KIF26B: variants seen among roughly 807,000 people sequenced by gnomAD.
KIF26B encodes the protein kinesin family member 26B.
A neutral mutation model predicts 151.2 loss-of-function variants in KIF26B; 63 were observed. The ratio of observed to expected loss-of-function variants is 0.42; its 90% confidence interval spans 0.34 to 0.51. KIF26B has a LOEUF of 0.51. KIF26B is among the 20% of genes least tolerant of loss of function. The probability of loss-of-function intolerance (pLI) is 0.07; values close to 1 mark genes in which losing one functional copy is unlikely to be tolerated. For missense variants in KIF26B, 2,813 were observed against 2,913.6 expected (o/e 0.97, Z 0.79); for synonymous variants, 1,357 against 1,262.1 (o/e 1.08, Z -1.59).
intron 2 of KIF26B, among the ~76,000 whole-genome samples, chr1:245,346,076 G>A (rs1300138999): frequency 6.6e-6 from 1 of 151,514 alleles, no homozygotes; most frequent in African/African-American, 2.4e-5. Flanking sequence ...GGGATTACAG[G>A]CACCTGCCAC....
chr1:245,616,902 C>T (rs2043597013), intron 9 of KIF26B, among the ~76,000 whole-genome samples: 2 of 152,180 alleles, frequency 1.3e-5, no homozygotes, highest in African/African-American at 4.8e-5. Context: ...GCAACTGTTG[C>T]TCAAGGTCCA....
At chr1:245,537,185 A>G (rs145746151) in intron 4 of KIF26B, among the ~76,000 whole-genome samples, 2,719 of 152,338 alleles carry the variant, frequency 0.018, 39 homozygotes, top group Middle Eastern at 0.048. Context: ...GGAGTGAGCC[A>G]TATGCCCATC....
Position 245,222,235 on chromosome 1 carries a change from G to C in KIF26B, c.465+65552G>C, listed in dbSNP as rs937206371. Among the ~76,000 whole-genome samples the C allele has an allele frequency of 2.0e-5, 3 of 152,162 alleles. No individual in the cohort carries two copies. The East Asian group carries it at 5.8e-4, about 29-fold the overall frequency. On this transcript the variant is annotated intron_variant, in intron 2 of 14. Coordinates refer to ENST00000407071, the MANE Select transcript of KIF26B (RefSeq NM_018012.4). Reference sequence around the variant, plus strand: ...GCGGATCACCTGAGGTCAGGAGTTCGAGACCAGCCTGGCCAACATGGTAAA... The same window carrying C: ...GCGGATCACCTGAGGTCAGGAGTTCCAGACCAGCCTGGCCAACATGGTAAA...
chr1:245,214,051 A>G (rs888249029), intron 2 of KIF26B: 1 of 152,196 alleles, frequency 6.6e-6, no homozygotes, highest in Non-Finnish European at 1.5e-5. Context: ...ATCGAAGTTT[A>G]TAATTTGGTG....
chr1:245,522,203 G>A (rs1027490609), intron 4 of KIF26B, among the ~76,000 whole-genome samples: 1 of 152,122 alleles, frequency 6.6e-6, no homozygotes, highest in Non-Finnish European at 1.5e-5. Flanking sequence ...GGACCACGCT[G>A]GTAGATGCCT....
chr1:245,542,116 G>A (rs888269309), intron 5 of KIF26B, among the ~76,000 whole-genome samples: 28 of 152,324 alleles, frequency 1.8e-4, no homozygotes, highest in African/African-American at 6.7e-4. Flanking sequence ...GCTTTGGGAG[G>A]CCACAGCAAG....
At chr1:245,164,415 G>A (rs1239403627) in intron 2 of KIF26B, among the ~76,000 whole-genome samples, 2 of 152,138 alleles carry the variant, frequency 1.3e-5, no homozygotes. Flanking sequence ...TCCTGTTTAT[G>A]TGCCAGTTCT....
At chr1:245,199,923 G>T (rs1315447640) in intron 2 of KIF26B, among the ~76,000 whole-genome samples, 1 of 152,202 alleles carries the variant, frequency 6.6e-6, no homozygotes, top group African/African-American at 2.4e-5. Context: ...ACAAATTTGT[G>T]TTAGGTATTT....
chr1:245,306,657 C>G (rs11578205), intron 2 of KIF26B, among the ~76,000 whole-genome samples: 8,971 of 152,238 alleles, frequency 0.059, 329 homozygotes, highest in Middle Eastern at 0.092. Flanking sequence ...CCCCACCCCC[C>G]ACCATCTATA....
chr1:245,172,774 C>A (rs573083831), intron 2 of KIF26B, among the ~76,000 whole-genome samples: 1 of 152,140 alleles, frequency 6.6e-6, no homozygotes, highest in Non-Finnish European at 1.5e-5. Flanking sequence ...TGCATCACTG[C>A]GCTCCAGCCT....
At chr1:245,644,050 GT>G (rs2043920117) in intron 9 of KIF26B, among the ~76,000 whole-genome samples, 1 of 152,038 alleles carries the variant, frequency 6.6e-6, no homozygotes, top group African/African-American at 2.4e-5. Context: ...ATGTGGGGAA[GT>G]TTTAGCCATT....
intron 10 of KIF26B, among the ~76,000 whole-genome samples, chr1:245,666,167 A>AT (rs536997148): frequency 4.9e-4 from 74 of 151,360 alleles, no homozygotes; most frequent in African/African-American, 1.6e-3. Context: ...CACTTGGCTA[A>AT]TTTTTTTTGT....
chr1:245,662,541 C>T (rs1356714255), intron 10 of KIF26B, among the ~76,000 whole-genome samples: 11 of 143,916 alleles, frequency 7.6e-5, no homozygotes, highest in Admixed American at 6.4e-4. Context: ...AATATATATA[C>T]ACACCCAATG....
Position 245,679,753 on chromosome 1 carries a change from G to A in KIF26B, c.2259-4480G>A, listed in dbSNP as rs1011675696. Among the ~76,000 whole-genome samples the A allele has an allele frequency of 3.9e-5, 6 of 152,210 alleles. No homozygotes were observed. In the East Asian group the frequency reaches 1.2e-3, roughly 29 times the overall value. On this transcript the variant is annotated intron_variant, in intron 10 of 14. Coordinates refer to ENST00000407071, the MANE Select transcript of KIF26B (RefSeq NM_018012.4). Reference sequence around the variant, plus strand: ...CAAAGTGTGGGGATTACAGGCGTGAGCCACGGTGCCCAGCATAAATTTATT... The same window carrying A: ...CAAAGTGTGGGGATTACAGGCGTGAACCACGGTGCCCAGCATAAATTTATT...
rs374175267 is a variant in KIF26B, at chr1:245,303,434, G to A, written c.466-63400G>A. ...AGGATGGTCTCGATCTCCTGACCTC[G>A]TGATCCGCCCGCCTCGGCCTCCCAA... On this transcript the variant is annotated intron_variant, in intron 2 of 14. Coordinates refer to ENST00000407071, the MANE Select transcript of KIF26B (RefSeq NM_018012.4). Among the ~76,000 whole-genome samples, 1,015 of 150,720 alleles carry A rather than the reference G, an allele frequency of 6.7e-3. 22 individuals are homozygous for A. The highest frequency in any genetic ancestry group is 0.023 in the African/African-American group (913 of 40,330).
intron 12 of KIF26B, among the ~76,000 whole-genome samples, chr1:245,697,528 G>T (rs1348072601): frequency 6.6e-6 from 1 of 152,116 alleles, no homozygotes; most frequent in Non-Finnish European, 1.5e-5. Context: ...TGCTGAGGAT[G>T]CCCCCTAGGC....
chr1:245,405,066 C>T (rs1212765274), intron 3 of KIF26B, among the ~76,000 whole-genome samples: 1 of 152,194 alleles, frequency 6.6e-6, no homozygotes, highest in Non-Finnish European at 1.5e-5. Flanking sequence ...CCTCCAAATG[C>T]CCTGGGTAAA....
chr1:245,311,087 TG>T (rs992890506), intron 2 of KIF26B, among the ~76,000 whole-genome samples: 3 of 151,920 alleles, frequency 2.0e-5, no homozygotes, highest in African/African-American at 7.3e-5. Context: ...AGAAAGGAAA[TG>T]GGGCAACAAA....
intron 2 of KIF26B, among the ~76,000 whole-genome samples, chr1:245,211,920 A>G (rs1669542651): frequency 6.6e-6 from 1 of 152,156 alleles, no homozygotes; most frequent in Non-Finnish European, 1.5e-5. Context: ...GCCTGCACCC[A>G]CGGCAGTGGG....
Sources: gnomAD v4.1 joint callset for allele counts (sites outside exome capture counted in the v4.1 genomes callset) on GRCh38, gnomAD v4.1.1 for gene constraint, MANE v1.5 for transcripts, NCBI Gene and HGNC (gene_info 2026-07-23, HGNC 2026-07-21) for gene names.